The following ESRP2 variants were observed in gnomAD, a reference collection of about 807,000 sequenced individuals.
ESRP2 encodes the protein RNA binding motif protein 35A.
A neutral mutation model predicts 78.6 loss-of-function variants in ESRP2; 48 were observed. That is an observed-to-expected ratio of 0.61 (90% confidence interval 0.48 to 0.78). ESRP2 has a LOEUF of 0.78. Ranked by LOEUF, ESRP2 falls within the 30% of genes least tolerant of loss-of-function variation. The pLI, the probability that ESRP2 is intolerant of heterozygous loss-of-function variation, is 0.00. For synonymous variants in ESRP2, 383 were observed against 406.7 expected (o/e 0.94, Z 0.70); for missense variants, 863 against 965.9 (o/e 0.89, Z 1.41).
Position 68,230,253 on chromosome 16 carries a change from T to C in ESRP2, c.2127A>G (p.Gln709=). The change falls in exon 15 of 15, where the codon CAA becomes CAG. Residue 709 remains glutamine, a synonymous_variant. Transcript: ENST00000473183. ...PVGDPPRTVL[Q]APKEWVCL ...ACAAACACACCCATTCCTTGGGGGCTTGTAACACAGTGCGAGGTGGGTCAC... is the reference window on the plus strand; with the variant it reads ...ACAAACACACCCATTCCTTGGGGGCCTGTAACACAGTGCGAGGTGGGTCAC... The C allele has an allele frequency of 6.2e-7, 1 of 1,614,198 alleles. No individual in the cohort carries two copies. The highest frequency in any genetic ancestry group is 8.5e-7 in the Non-Finnish European group (1 of 1,180,024).
chr16:68,231,263 G>A lies in ESRP2; in HGVS notation c.1626C>T (p.Pro542=). 2 of 1,614,018 alleles carry A rather than the reference G, an allele frequency of 1.2e-6. No homozygotes were observed. Among genetic ancestry groups the A allele is most frequent in the Non-Finnish European group, 1.7e-6 (2 of 1,179,946 alleles). ...VMKERYVEVV[P]CSTEEMSRVL... is the part of the protein sequence containing the mutation. ...CTCGGCTCATCTCCTCTGTGGAACA[G>A]GGGACCACCTCCACGTAGCGCTCCT... Residue 542 remains proline, a synonymous_variant, in exon 12 of 15, where the codon CCC becomes CCT. Coordinates refer to ENST00000473183, the MANE Select transcript of ESRP2 (RefSeq NM_024939.3). This position sits in a 1 kb window ranked among gnomAD's most constrained non-coding sequence, Gnocchi z 6.0.
Position 68,233,861 on chromosome 16 carries a change from A to T in ESRP2, c.463T>A (p.Phe155Ile). 6.2e-7 allele frequency: 1 copy of T among 1,614,094 alleles called. No individual in the cohort carries two copies. The highest frequency in any genetic ancestry group is 8.5e-7 in the Non-Finnish European group (1 of 1,179,992). ...SRKNLVLPDM[F>I]FSFYDLRREF... ...CTTCGGAGGTCATAGAAGGAGAAGAACATGTCGGGGAGCACCAGGTTCTGG... is the reference window on the plus strand; with the variant it reads ...CTTCGGAGGTCATAGAAGGAGAAGATCATGTCGGGGAGCACCAGGTTCTGG... The change falls in exon 4 of 15, where the codon TTC (phenylalanine) becomes ATC (isoleucine). Residue 155 changes from phenylalanine to isoleucine, a missense_variant. Transcript: ENST00000473183.
Position 68,230,017 on chromosome 16 carries a change from G to T in ESRP2, c.*209C>A. 1 of 594,708 alleles carries T rather than the reference G, an allele frequency of 1.7e-6. No individual in the cohort carries two copies. The highest frequency in any genetic ancestry group is 1.9e-5 in the African/African-American group (1 of 53,942). The allele number at this position is 594,708 out of a possible 1,614,324, so 36.8% of individuals were successfully genotyped here. A position where few individuals can be genotyped will look rare whatever the true frequency, so the allele number is the denominator to read the frequency against. The stretch of plus-strand genomic sequence containing the variant: ...GCTGGTTAGCCCCATTCCACCCCCA[G>T]CCCTGCATGCAGGGTCCAGCCATTG... On this transcript the variant is annotated 3_prime_UTR_variant, in exon 15 of 15. Transcript: ENST00000473183.
chr16:68,232,127 A>C lies in ESRP2; in HGVS notation c.998-24T>G, dbSNP rs749887395. The C allele has an allele frequency of 5.6e-6, 9 of 1,609,866 alleles. No individual in the cohort carries two copies. Among genetic ancestry groups the C allele is most frequent in the Middle Eastern group, 1.7e-4 (1 of 6,052 alleles). ...GCCTGTGTATGAGAGTCGCCTGCTG[A>C]CTTCACTCATGCTCCTCCAGACACT... is the stretch of plus-strand genomic sequence containing the variant. On this transcript the variant is annotated intron_variant, in intron 9 of 14. Transcript: ENST00000473183. The surrounding 1 kb of genome is among the most constrained non-coding windows in gnomAD (Gnocchi z 5.2).
At position 68,235,924 on chromosome 16, in the gene ESRP2, A is replaced by G. The variant is rs1156994175; in HGVS notation, c.122T>C (p.Leu41Pro). Residue 41 changes from leucine to proline, a missense_variant, in exon 1 of 15, where the codon CTG becomes CCG. Coordinates refer to ENST00000473183, the MANE Select transcript of ESRP2 (RefSeq NM_024939.3). This position sits in a 1 kb window ranked among gnomAD's most constrained non-coding sequence, Gnocchi z 5.5. The stretch of plus-strand genomic sequence containing the variant: ...CTCGTCCGAGCCCAGGTCCCGTCCC[A>G]GCGCACCCGCCGTAGCCCCGAAGAG... The part of the protein sequence containing the change: ...VVLFGATAGA[L>P]GRDLGSDETD... The G allele has an allele frequency of 1.9e-6, 3 of 1,601,492 alleles. No individual in the cohort carries two copies. Among genetic ancestry groups the G allele is most frequent in the South Asian group, 2.2e-5 (2 of 90,070 alleles).
At chr16:68,234,217 C>G in intron 2 of ESRP2, 110 bp from the exon 3 acceptor site, 1 of 791,326 alleles carries the variant, frequency 1.3e-6, no homozygotes, top group Non-Finnish European at 2.0e-6. Context: ...GCCAGATGTT[C>G]AGCCCTATCC....
At position 68,230,924 on chromosome 16, in the gene ESRP2, C is replaced by T. The variant is rs1300568652; in HGVS notation, c.1815G>A (p.Arg605=). 1.2e-6 allele frequency: 2 copies of T among 1,613,564 alleles called. No individual in the cohort carries two copies. The highest frequency in any genetic ancestry group is 2.2e-5 in the East Asian group (1 of 44,866). The change falls in exon 13 of 15, where the codon AGG becomes AGA. Residue 605 remains arginine (R), a synonymous_variant. Transcript: ENST00000473183. ...YPSSALLPAA[R]VPAAPTPVAY... ...CAACAGGGGTGGGGGCAGCAGGCAC[C>T]CTGGCAGCTGGGAGCAGTGCTGAAG... is the stretch of plus-strand genomic sequence containing the variant.
In ESRP2 at chr16:68,229,198, G is replaced by A. The variant is rs2042091870; in HGVS notation, c.*1028C>T. 1 of 152,238 alleles carries A rather than the reference G, an allele frequency of 6.6e-6. No individual in the cohort carries two copies. Among genetic ancestry groups the A allele is most frequent in the Admixed American group, 6.5e-5 (1 of 15,280 alleles). 9.4% of individuals were successfully genotyped at this position (152,238 alleles called of 1,614,324 possible). A position where few individuals can be genotyped will look rare whatever the true frequency, so the allele number is the denominator to read the frequency against. ...TTACACAAATACAAAGGGAAGAAGA[G>A]CCAGCAGTTGAGGCTCCTCAGTTTT... On this transcript the variant is annotated 3_prime_UTR_variant, in exon 15 of 15. Coordinates refer to ENST00000473183, the MANE Select transcript of ESRP2 (RefSeq NM_024939.3).
At chr16:68,230,709 G>T in intron 13 of ESRP2, 132 bp downstream of exon 13, 1 of 1,433,000 alleles carries the variant, frequency 7.0e-7, no homozygotes, top group Non-Finnish European at 9.5e-7. Context: ...TTTGTAGATG[G>T]CATTAGCCAG....
In ESRP2 at chr16:68,232,336, A is replaced by G. The variant is rs1053546035; in HGVS notation, c.954+35T>C. ...CCCATGGGTCTCAGGCCTGACTCAG[A>G]TTGGCCCTGCTCCGCTCCCAGCCCA... On this transcript the variant is annotated intron_variant, in intron 8 of 14. Coordinates refer to ENST00000473183, the MANE Select transcript of ESRP2 (RefSeq NM_024939.3). The surrounding 1 kb of genome is among the most constrained non-coding windows in gnomAD (Gnocchi z 5.2). 2.5e-6 allele frequency: 4 copies of G among 1,614,146 alleles called. No homozygotes were observed. The highest frequency in any genetic ancestry group is 3.4e-6 in the Non-Finnish European group (4 of 1,180,006).
At position 68,232,968 on chromosome 16, in the gene ESRP2, G is replaced by T. The variant is rs551835092; in HGVS notation, c.656-153C>A. ...AATCCCAGCACTTTGGGAGGCCAAG[G>T]TGGGTGGATCATTTGAGGTCAGGAG... On this transcript the variant is annotated intron_variant, in intron 5 of 14. Coordinates refer to ENST00000473183, the MANE Select transcript of ESRP2 (RefSeq NM_024939.3). This position sits in a 1 kb window ranked among gnomAD's most constrained non-coding sequence, Gnocchi z 5.2. 2.3e-4 allele frequency among the ~76,000 whole-genome samples: 35 copies of T among 152,294 alleles called. No homozygotes were observed. The highest frequency in any genetic ancestry group is 3.4e-3 in the Middle Eastern group (1 of 294).
At position 68,231,242 on chromosome 16, in the gene ESRP2, G is replaced by T; in HGVS notation, c.1647C>A (p.Ser549Arg). Reference protein sequence around the residue: ...EVVPCSTEEMSRVLMGGTLGR... With the variant: ...EVVPCSTEEMRRVLMGGTLGR... ...CCAAGGTGCCCCCCATCAGCACTCG[G>T]CTCATCTCCTCTGTGGAACAGGGGA... is the stretch of plus-strand genomic sequence containing the variant. The change falls in exon 12 of 15, where the codon AGC becomes AGA. Residue 549 changes from serine to arginine, a missense_variant. Transcript: ENST00000473183. The surrounding 1 kb of genome is among the most constrained non-coding windows in gnomAD (Gnocchi z 6.0). 1 of 1,614,000 alleles carries T rather than the reference G, an allele frequency of 6.2e-7. No individual in the cohort carries two copies. The highest frequency in any genetic ancestry group is 8.5e-7 in the Non-Finnish European group (1 of 1,179,974).
rs755456270 is a variant in ESRP2, at chr16:68,235,704, C to G, written c.257G>C (p.Cys86Ser). Reference protein sequence around the residue: ...RAEAAALSTQCREASGLSADS... With the variant: ...RAEAAALSTQSREASGLSADS... ...GGCGCTCAGGCCGCTCGCCTCGCGG[C>G]ACTGCGTACTCAGTGCGGCCGCCTC... The change falls in exon 2 of 15, where the codon TGC becomes TCC. Residue 86 changes from cysteine to serine, a missense_variant. Physicochemically the swap from Cys to Ser is moderately radical, Grantham distance 112. Transcript: ENST00000473183. This position sits in a 1 kb window ranked among gnomAD's most constrained non-coding sequence, Gnocchi z 5.5. The G allele has an allele frequency of 1.2e-6, 2 of 1,602,854 alleles. No individual in the cohort carries two copies. The highest frequency in any genetic ancestry group is 1.7e-6 in the Non-Finnish European group (2 of 1,178,654).
intron 4 of ESRP2, 43 bp from the exon 5 acceptor site, chr16:68,233,468 A>G: frequency 6.9e-7 from 1 of 1,456,146 alleles, no homozygotes; most frequent in Non-Finnish European, 9.7e-7. Flanking sequence ...TAGCATAAGC[A>G]CTAATCCTGT....
In ESRP2 at chr16:68,236,076, C is replaced by A; in HGVS notation, c.-31G>T. 7.2e-7 allele frequency: 1 copy of A among 1,396,896 alleles called. No homozygotes were observed. The highest frequency in any genetic ancestry group is 2.6e-4 in the Middle Eastern group (1 of 3,870). The allele number at this position is 1,396,896 out of a possible 1,614,324, so 86.5% of individuals were successfully genotyped here. A position where few individuals can be genotyped will look rare whatever the true frequency, so the allele number is the denominator to read the frequency against. ...CAGAGGAAGGGGGCTCTCGGCCAGACACGCGGACCGACGAGGCGCACGCAC... is the reference window on the plus strand; with the variant it reads ...CAGAGGAAGGGGGCTCTCGGCCAGAAACGCGGACCGACGAGGCGCACGCAC... On this transcript the variant is annotated 5_prime_UTR_variant, in exon 1 of 15. Transcript: ENST00000473183. The surrounding 1 kb of genome is among the most constrained non-coding windows in gnomAD (Gnocchi z 5.2).
rs1598652456 is a variant in ESRP2 at position 68,232,487 on chromosome 16, A to T, written c.838T>A (p.Cys280Ser). The change falls in exon 8 of 15, where the codon TGC (cysteine) becomes AGC (serine). Residue 280 changes from cysteine to serine, a missense_variant. Coordinates refer to ENST00000473183, the MANE Select transcript of ESRP2 (RefSeq NM_024939.3). This position sits in a 1 kb window ranked among gnomAD's most constrained non-coding sequence, Gnocchi z 5.2. Reference protein sequence around the residue: ...LNVARGGVALCLNAQGRRNGE... With the variant: ...LNVARGGVALSLNAQGRRNGE... Reference sequence around the variant, plus strand: ...TTTCTGCGGCCCTGGGCGTTGAGGCAGAGTGCTACACCACCCCTGTGGAGC... The same window carrying T: ...TTTCTGCGGCCCTGGGCGTTGAGGCTGAGTGCTACACCACCCCTGTGGAGC... The T allele has an allele frequency of 1.2e-6, 2 of 1,614,056 alleles. No individual in the cohort carries two copies. Among genetic ancestry groups the T allele is most frequent in the African/African-American group, 2.7e-5 (2 of 74,946 alleles).
chr16:68,235,978 G>A lies in ESRP2; in HGVS notation c.68C>T (p.Pro23Leu), dbSNP rs375465518. 3 of 1,596,362 alleles carry A rather than the reference G, an allele frequency of 1.9e-6. No homozygotes were observed. Among genetic ancestry groups the A allele is most frequent in the African/African-American group, 1.4e-5 (1 of 73,536 alleles). ...GACCAGTGATCCGGGCCAGGGGCAG[G>A]GGTCCGCGGCGGGGTCGGCCGCGGG... ...PDPAADPAAD[P>L]CPWPGSLVVL... The change falls in exon 1 of 15, where the codon CCC becomes CTC. Residue 23 changes from proline to leucine, a missense_variant. By Grantham distance (98) the Pro-to-Leu change is moderately conservative (BLOSUM62 -3). Coordinates refer to ENST00000473183, the MANE Select transcript of ESRP2 (RefSeq NM_024939.3). The surrounding 1 kb of genome is among the most constrained non-coding windows in gnomAD (Gnocchi z 5.5).
rs746967704 is a variant in ESRP2 at position 68,233,412 on chromosome 16, C to T, written c.570G>A (p.Glu190=). The T allele has an allele frequency of 1.9e-6, 3 of 1,613,752 alleles. No homozygotes were observed. Among genetic ancestry groups the T allele is most frequent in the Middle Eastern group, 1.6e-4 (1 of 6,062 alleles). ...CAAAGTCATCCTCTGTGGCATCTGT[C>T]TCCAGTCCTAAACCTATGGGCAGAG... The part of the protein sequence containing the change: ...VATMAQGLGL[E]TDATEDDFGV... Residue 190 remains glutamate (E), a synonymous_variant, in exon 5 of 15, where the codon GAG becomes GAA. Coordinates refer to ENST00000473183, the MANE Select transcript of ESRP2 (RefSeq NM_024939.3).
chr16:68,235,517 C>T lies in ESRP2; in HGVS notation c.327+117G>A. The T allele has an allele frequency of 1.4e-6, 2 of 1,478,338 alleles. No individual in the cohort carries two copies. The highest frequency in any genetic ancestry group is 1.8e-6 in the Non-Finnish European group (2 of 1,122,600). 91.6% of individuals were successfully genotyped at this position (1,478,338 alleles called of 1,614,324 possible). On this transcript the variant is annotated intron_variant, in intron 2 of 14. Transcript: ENST00000473183. The surrounding 1 kb of genome is among the most constrained non-coding windows in gnomAD (Gnocchi z 5.5). ...GTCGCTCAAAGTTTCAAACAAGAGC[C>T]CAGTCCTGCCGCCTGGACCGGTTGG... is the stretch of plus-strand genomic sequence containing the variant.
Sources: allele counts gnomAD v4.1 joint callset (sites outside exome capture counted in the v4.1 genomes callset), GRCh38; gene constraint gnomAD v4.1.1; non-coding constraint Gnocchi (gnomAD v3.1); transcripts MANE v1.5; gene names NCBI Gene and HGNC (gene_info 2026-07-23, HGNC 2026-07-21).